UNC13C: variants seen among roughly 807,000 people sequenced by gnomAD.
The protein encoded by UNC13C is protein unc-13 homolog C.
UNC13C carries 174 observed loss-of-function variants against 245.4 expected under a neutral mutation model. The observed-to-expected ratio is 0.71, with a 90% CI of 0.63 to 0.80. The LOEUF is 0.80. Among genes scored for constraint, UNC13C ranks in the 30% least tolerant of loss-of-function variants. UNC13C has a pLI of 0.00. For synonymous variants in UNC13C, 992 were observed against 895.1 expected (o/e 1.11, Z -1.93); for missense variants, 2,829 against 2,602.9 (o/e 1.09, Z -1.89).
intron 2 of UNC13C, among the ~76,000 whole-genome samples, chr15:54,063,100 T>C (rs1269306231): frequency 6.6e-6 from 1 of 152,216 alleles, no homozygotes; most frequent in African/African-American, 2.4e-5. Flanking sequence ...AGAGGATGCC[T>C]TCCTATTTCA....
intron 19 of UNC13C, among the ~76,000 whole-genome samples, chr15:54,444,767 G>C (rs1309979251): frequency 6.6e-6 from 1 of 151,708 alleles, no homozygotes; most frequent in African/African-American, 2.4e-5. Context: ...ACTTCCAGGT[G>C]TAGAACTGGC....
At chr15:54,436,431 C>A (rs919370902) in intron 19 of UNC13C, among the ~76,000 whole-genome samples, 14 of 151,830 alleles carry the variant, frequency 9.2e-5, no homozygotes, top group African/African-American at 3.4e-4. Flanking sequence ...CAGGGACAGA[C>A]TGGATAAAGA....
At chr15:54,261,522 G>GTTTGTTTGTTTTGTTTTGT (rs372218365) in intron 8 of UNC13C, among the ~76,000 whole-genome samples, 31 of 150,680 alleles carry the variant, frequency 2.1e-4, no homozygotes, top group African/African-American at 6.9e-4. Context: ...ATTTTTGTTT[G>GTTTGTTTGTTTTGTTTTGT]TTTGTTTTGT....
chr15:53,870,964 C>A, the UNC13C span, among the ~76,000 whole-genome samples: 2 of 152,012 alleles, frequency 1.3e-5, no homozygotes, highest in Non-Finnish European at 2.9e-5. Context: ...CCATCCTACA[C>A]AATAACTCCA....
Position 54,609,983 on chromosome 15 carries a change from G to A in UNC13C, c.6107-12344G>A, listed in dbSNP as rs140494561. Among the ~76,000 whole-genome samples the A allele has an allele frequency of 1.1e-3, 168 of 152,188 alleles. No individual in the cohort carries two copies. In the East Asian group the frequency reaches 0.03, roughly 27 times the overall value. ...CTCACTGTCATGAGAAGAGCATGGGGGAAGTGCCCCATGATTCAATTACTT... is the reference window on the plus strand; with the variant it reads ...CTCACTGTCATGAGAAGAGCATGGGAGAAGTGCCCCATGATTCAATTACTT... On this transcript the variant is annotated intron_variant, in intron 30 of 32. Transcript: ENST00000260323.
chr15:54,222,390 C>T (rs906788619), intron 4 of UNC13C, among the ~76,000 whole-genome samples: 8 of 152,004 alleles, frequency 5.3e-5, no homozygotes, highest in African/African-American at 1.4e-4. Context: ...AAAAGAATGA[C>T]CTCCAGTTCC....
In UNC13C at chr15:54,012,743, C is replaced by G. The variant is rs1167177197; in HGVS notation, c.-161C>G. Among the ~76,000 whole-genome samples the G allele has an allele frequency of 2.0e-5, 3 of 152,178 alleles. No homozygotes were observed. The highest frequency in any genetic ancestry group is 6.5e-5 in the Admixed American group (1 of 15,268). On this transcript the variant is annotated 5_prime_UTR_variant, in exon 2 of 33. Coordinates refer to ENST00000260323, the MANE Select transcript of UNC13C (RefSeq NM_001080534.3). ...CAGATGGAGCTTTGCTTCTGGTTTG[C>G]ACAGGACAGCGACAATGTGGCAGAG...
At chr15:54,161,822 T>A (rs1411431801) in intron 4 of UNC13C, among the ~76,000 whole-genome samples, 1 of 151,902 alleles carries the variant, frequency 6.6e-6, no homozygotes, top group African/African-American at 2.4e-5. Context: ...GGCATGCACA[T>A]CTGTAGTCCC....
chr15:54,211,577 A>C (rs1182966987), intron 4 of UNC13C, among the ~76,000 whole-genome samples: 2 of 152,054 alleles, frequency 1.3e-5, no homozygotes, highest in Non-Finnish European at 2.9e-5. Flanking sequence ...TTTGCTCTTC[A>C]TCTAGAACCG....
At position 54,462,426 on chromosome 15, in the gene UNC13C, G is replaced by A. The variant is rs1020932026; in HGVS notation, c.4934-32182G>A. ...TCTGGGCTGGCCAAGGTTGGAGCTGGCTCCCTCTGTTTGCAGGGAGGTGTG... is the reference window on the plus strand; with the variant it reads ...TCTGGGCTGGCCAAGGTTGGAGCTGACTCCCTCTGTTTGCAGGGAGGTGTG... On this transcript the variant is annotated intron_variant, in intron 19 of 32. Coordinates refer to ENST00000260323, the MANE Select transcript of UNC13C (RefSeq NM_001080534.3). 8.5e-5 allele frequency among the ~76,000 whole-genome samples: 13 copies of A among 152,262 alleles called. 1 individual carries two copies. The South Asian group carries it at 1.9e-3, about 22-fold the overall frequency.
intron 25 of UNC13C, among the ~76,000 whole-genome samples, chr15:54,527,442 A>T (rs1197378567): frequency 6.6e-6 from 1 of 152,238 alleles, no homozygotes; most frequent in Non-Finnish European, 1.5e-5. Flanking sequence ...TATGGAAAAT[A>T]AGATGACTAA....
At chr15:54,502,562 TTC>T (rs1894272547) in intron 22 of UNC13C, among the ~76,000 whole-genome samples, 2 of 152,142 alleles carry the variant, frequency 1.3e-5, no homozygotes, top group Non-Finnish European at 2.9e-5. Flanking sequence ...ATTCTAAAAA[TTC>T]TCTAAGTCTT....
Position 54,172,709 on chromosome 15 carries a change from TATATATATATATA to T in UNC13C, c.3071+29026_3071+29038del, listed in dbSNP as rs1306363214. On this transcript the variant is annotated intron_variant, in intron 4 of 32. Transcript: ENST00000260323. ...AAAGTCAAATACACACACAGATATA[TATATATATATATA>T]TATATATATATATATATATATATAT... Among the ~76,000 whole-genome samples, 92 of 54,246 alleles carry T rather than the reference TATATATATATATA, an allele frequency of 1.7e-3. 1 individual carries two copies. The highest frequency in any genetic ancestry group is 6.0e-3 in the South Asian group (9 of 1,510). The allele number at this position is 54,246 out of a possible 152,430, so 35.6% of individuals were successfully genotyped here.
chr15:54,418,093 A>T (rs144828733), intron 19 of UNC13C, among the ~76,000 whole-genome samples: 7 of 152,178 alleles, frequency 4.6e-5, no homozygotes, highest in African/African-American at 7.2e-5. Context: ...TACATTGTTC[A>T]TCAGTTTAAT....
chr15:54,426,015 T>C (rs777723568), intron 19 of UNC13C, among the ~76,000 whole-genome samples: 1 of 151,692 alleles, frequency 6.6e-6, no homozygotes, highest in African/African-American at 2.4e-5. Flanking sequence ...CAGGTATTTT[T>C]CTCATGACTC....
chr15:54,624,030 G>T, intron 32 of UNC13C, 76 bp downstream of exon 32: 1 of 1,565,746 alleles, frequency 6.4e-7, no homozygotes, highest in Non-Finnish European at 8.7e-7. Context: ...GGGATTTGGA[G>T]TGTGAAGGGC....
chr15:54,455,203 CTCTA>C (rs1390931542), intron 19 of UNC13C, among the ~76,000 whole-genome samples: 75 of 27,304 alleles, frequency 2.7e-3, no homozygotes, highest in Non-Finnish European at 3.4e-3. Context: ...CTCTCTCTCT[CTCTA>C]TATATATATA....
rs2040143760 is a variant in UNC13C, at chr15:54,399,752, A to C, written c.4847+6571A>C. ...TGTGATGAGCCAGAACATTAGTTTC[A>C]AATTGCATGTTTTTAAAGATAGGAT... is the stretch of plus-strand genomic sequence containing the variant. On this transcript the variant is annotated intron_variant, in intron 18 of 32. Coordinates refer to ENST00000260323, the MANE Select transcript of UNC13C (RefSeq NM_001080534.3). Among the ~76,000 whole-genome samples, 3 of 152,092 alleles carry C rather than the reference A, an allele frequency of 2.0e-5. No individual in the cohort carries two copies. In the South Asian group the frequency reaches 6.2e-4, roughly 32 times the overall value.
At chr15:54,232,934 A>G (rs1268900020) in intron 4 of UNC13C, among the ~76,000 whole-genome samples, 1 of 152,154 alleles carries the variant, frequency 6.6e-6, no homozygotes, top group Admixed American at 6.5e-5. Context: ...TGGAAGGGTC[A>G]AGTATGAATT....
Sources: gnomAD v4.1 joint callset for allele counts (sites outside exome capture counted in the v4.1 genomes callset) on GRCh38, gnomAD v4.1.1 for gene constraint, MANE v1.5 for transcripts, NCBI Gene and HGNC (gene_info 2026-07-23, HGNC 2026-07-21) for gene names.